Variants in DLGAP2 observed in about 807,000 individuals in gnomAD.
DLGAP2 encodes the protein DLG associated protein 2.
DLGAP2 carries 26 observed loss-of-function variants against 100.3 expected under a neutral mutation model. That is an observed-to-expected ratio of 0.26 (90% CI 0.19 to 0.36). The LOEUF is 0.36. Among genes scored for constraint, DLGAP2 ranks in the 10% least tolerant of loss-of-function variants. The probability of loss-of-function intolerance (pLI) is 1.00; values close to 1 mark genes in which losing one functional copy is unlikely to be tolerated. For synonymous variants in DLGAP2, 886 were observed against 630.1 expected (o/e 1.41, Z -6.08); for missense variants, 1,858 against 1,453.2 (o/e 1.28, Z -4.53).
intron 3 of DLGAP2, among the ~76,000 whole-genome samples, chr8:1,415,818 T>A (rs924130290): frequency 2.6e-5 from 4 of 152,216 alleles, no homozygotes; most frequent in Non-Finnish European, 5.9e-5. Flanking sequence ...ATGATTTATT[T>A]TCCTTTGGGT....
chr8:1,249,129 G>C (rs1049335044), intron 2 of DLGAP2, among the ~76,000 whole-genome samples: 1 of 152,174 alleles, frequency 6.6e-6, no homozygotes, highest in African/African-American at 2.4e-5. Context: ...CTGGGAGGGT[G>C]GCTGGATTAA....
At chr8:1,296,876 G>C (rs1382673661) in intron 3 of DLGAP2, among the ~76,000 whole-genome samples, 1 of 152,212 alleles carries the variant, frequency 6.6e-6, no homozygotes, top group East Asian at 1.9e-4. Flanking sequence ...GCGGGGCTCA[G>C]AAAGGCCGGG....
intron 2 of DLGAP2, among the ~76,000 whole-genome samples, chr8:1,170,436 T>G (rs1024588210): frequency 4.1e-4 from 63 of 152,316 alleles, no homozygotes; most frequent in African/African-American, 1.5e-3. Flanking sequence ...TTCTGTTGAT[T>G]GGAATAGTTT....
At chr8:868,335 A>G (rs1797535521) in intron 1 of DLGAP2, among the ~76,000 whole-genome samples, 1 of 152,136 alleles carries the variant, frequency 6.6e-6, no homozygotes, top group Non-Finnish European at 1.5e-5. Flanking sequence ...TTGTATCCAC[A>G]TGTGGATGCA....
intron 3 of DLGAP2, among the ~76,000 whole-genome samples, chr8:1,382,902 A>G (rs1396575141): frequency 6.6e-6 from 1 of 152,188 alleles, no homozygotes; most frequent in East Asian, 1.9e-4. Flanking sequence ...GAAGGGATGT[A>G]TGTATACAAA....
At chr8:1,412,516 G>T (rs1266974560) in intron 3 of DLGAP2, among the ~76,000 whole-genome samples, 1 of 152,194 alleles carries the variant, frequency 6.6e-6, no homozygotes, top group Admixed American at 6.5e-5. Flanking sequence ...ATAAATGTGT[G>T]GTTTCTCAGC....
chr8:1,311,993 G>C (rs138221626), intron 3 of DLGAP2, among the ~76,000 whole-genome samples: 72 of 152,336 alleles, frequency 4.7e-4, no homozygotes, highest in South Asian at 4.6e-3. Flanking sequence ...GACAGATCCA[G>C]CAGGCAGAAA....
At chr8:1,289,009 A>G (rs1356247512) in intron 3 of DLGAP2, among the ~76,000 whole-genome samples, 1 of 152,212 alleles carries the variant, frequency 6.6e-6, no homozygotes, top group East Asian at 1.9e-4. Flanking sequence ...CCTCTAAGGA[A>G]AACAAAAATC....
At chr8:1,388,173 T>A (rs1290817534) in intron 3 of DLGAP2, among the ~76,000 whole-genome samples, 2 of 96,844 alleles carry the variant, frequency 2.1e-5, no homozygotes, top group African/African-American at 6.8e-5. Flanking sequence ...GAGGCACTGG[T>A]TCAGGTGTCA....
intron 1 of DLGAP2, among the ~76,000 whole-genome samples, chr8:788,623 G>C (rs549331530): frequency 6.6e-6 from 1 of 152,324 alleles, no homozygotes; most frequent in African/African-American, 2.4e-5. Flanking sequence ...TCTCAGCTTG[G>C]AAAAAAGTGA....
At chr8:1,275,374 A>AC (rs1799661932) in intron 3 of DLGAP2, among the ~76,000 whole-genome samples, 1 of 150,172 alleles carries the variant, frequency 6.7e-6, no homozygotes, top group Non-Finnish European at 1.5e-5. Context: ...AAAAAAAAAA[A>AC]CACAATAGAT....
intron 1 of DLGAP2, among the ~76,000 whole-genome samples, chr8:862,266 C>T (rs1392122162): frequency 4.0e-5 from 6 of 150,814 alleles, no homozygotes; most frequent in South Asian, 4.2e-4. Context: ...TGTCTTGGAG[C>T]GAGTCCTGGA....
At chr8:1,096,249 C>G (rs1563189188) in intron 2 of DLGAP2, among the ~76,000 whole-genome samples, 1 of 152,192 alleles carries the variant, frequency 6.6e-6, no homozygotes, top group Non-Finnish European at 1.5e-5. Context: ...AGCACCTGGG[C>G]CACTTATAAA....
intron 1 of DLGAP2, among the ~76,000 whole-genome samples, chr8:804,029 A>G (rs1380587133): frequency 6.6e-6 from 1 of 152,052 alleles, no homozygotes; most frequent in South Asian, 2.1e-4. Flanking sequence ...TGGATTTTAG[A>G]TTTATATGGT....
chr8:1,330,779 T>C (rs1387315843), intron 3 of DLGAP2, among the ~76,000 whole-genome samples: 1 of 141,008 alleles, frequency 7.1e-6, no homozygotes, highest in Non-Finnish European at 1.5e-5. Context: ...GACCGAGTTC[T>C]GGGTGGGAGC....
At chr8:1,485,968 A>C (rs1243299969) in intron 3 of DLGAP2, among the ~76,000 whole-genome samples, 2 of 152,198 alleles carry the variant, frequency 1.3e-5, no homozygotes, top group East Asian at 3.9e-4. Context: ...TGGAGGCTGC[A>C]GTGAGCCGAG....
Position 927,457 on chromosome 8 carries a change from G to A in DLGAP2, c.73+19491G>A, listed in dbSNP as rs1245863737. 3.3e-5 allele frequency among the ~76,000 whole-genome samples: 5 copies of A among 152,306 alleles called. No individual in the cohort carries two copies. In the Middle Eastern group the frequency reaches 0.01, roughly 313 times the overall value. ...AAGGTCTCAGGGTGGAATTGTTCAC[G>A]TCAGGAATGTGCTTTGAGCAGGTGG... On this transcript the variant is annotated intron_variant, in intron 2 of 14. Coordinates refer to ENST00000637795, the MANE Select transcript of DLGAP2 (RefSeq NM_001346810.2).
intron 3 of DLGAP2, among the ~76,000 whole-genome samples, chr8:1,362,626 G>A (rs569358668): frequency 6.6e-6 from 1 of 152,266 alleles, no homozygotes; most frequent in African/African-American, 2.4e-5. Flanking sequence ...CTTAACACCA[G>A]CACCGTCCTC....
chr8:1,303,951 C>T (rs557464338), intron 3 of DLGAP2, among the ~76,000 whole-genome samples: 20 of 152,298 alleles, frequency 1.3e-4, no homozygotes, highest in Non-Finnish European at 2.9e-4. Context: ...GATGCACTCT[C>T]ACAGAAGGGA....
Sources: gnomAD v4.1 joint callset for allele counts (sites outside exome capture counted in the v4.1 genomes callset) on GRCh38, gnomAD v4.1.1 for gene constraint, MANE v1.5 for transcripts, NCBI Gene and HGNC (gene_info 2026-07-23, HGNC 2026-07-21) for gene names.